Variants in ADCY9 observed in about 807,000 individuals in gnomAD.
The protein encoded by ADCY9 is adenylate cyclase type 9.
Under a neutral mutation model 101.5 loss-of-function variants are expected in ADCY9, and 50 were observed. That is an observed-to-expected ratio of 0.49 (90% CI 0.39 to 0.62). The LOEUF (loss-of-function observed/expected upper bound fraction) is 0.62, where lower values mean the gene tolerates loss of function less well. ADCY9 is among the 20% of genes least tolerant of loss of function. ADCY9 has a pLI of 0.00. For synonymous variants in ADCY9, 905 were observed against 769.3 expected (o/e 1.18, Z -2.92); for missense variants, 1,662 against 1,800.4 (o/e 0.92, Z 1.39).
Position 3,983,300 on chromosome 16 carries a change from C to A in ADCY9, c.2451G>T (p.Pro817=). The change falls in exon 7 of 11, where the codon CCG becomes CCT. Residue 817 remains proline, a synonymous_variant. Transcript: ENST00000294016. ...CACTGAAGACCGCCAGGGCGGCGGG[C>A]GGGGGAGGCACGGTGGCCGCCTCGT... The part of the protein sequence containing the change: ...LKYEAATVPP[P]PAALAVFSAA... 1 of 1,563,038 alleles carries A rather than the reference C, an allele frequency of 6.4e-7. No individual in the cohort carries two copies. Among genetic ancestry groups the A allele is most frequent in the Non-Finnish European group, 8.7e-7 (1 of 1,154,130 alleles).
intron 2 of ADCY9, among the ~76,000 whole-genome samples, chr16:4,081,730 G>A (rs916629867): frequency 3.3e-5 from 5 of 149,592 alleles, no homozygotes; most frequent in East Asian, 2.0e-4. Flanking sequence ...CTGCAGGGGC[G>A]TGTGGGTAAA....
chr16:4,037,185 G>A (rs1255320168), intron 2 of ADCY9, among the ~76,000 whole-genome samples: 2 of 152,216 alleles, frequency 1.3e-5, no homozygotes, highest in East Asian at 1.9e-4. Flanking sequence ...AGGCATGGTG[G>A]TACATGCCTG....
chr16:4,021,423 C>T (rs948650295), intron 2 of ADCY9, among the ~76,000 whole-genome samples: 2 of 152,236 alleles, frequency 1.3e-5, no homozygotes, highest in African/African-American at 4.8e-5. Context: ...TGGCCAATCT[C>T]CACTTTCTAC....
chr16:3,991,905 T>C (rs556730968), intron 5 of ADCY9, among the ~76,000 whole-genome samples: 2 of 151,458 alleles, frequency 1.3e-5, no homozygotes, highest in South Asian at 4.2e-4. Flanking sequence ...ACTCCATCTC[T>C]ACTAAAAATA....
At chr16:3,976,619 C>G (rs963048283) in intron 9 of ADCY9, among the ~76,000 whole-genome samples, 3 of 152,170 alleles carry the variant, frequency 2.0e-5, no homozygotes, top group Non-Finnish European at 2.9e-5. Flanking sequence ...ATTAATCCTA[C>G]GTCTCATGAC....
At chr16:4,001,163 C>T (rs35421077) in intron 3 of ADCY9, among the ~76,000 whole-genome samples, 8,043 of 152,248 alleles carry the variant, frequency 0.053, 278 homozygotes, top group Non-Finnish European at 0.084. Context: ...AAGCTGCTGG[C>T]TTTATTCTGA....
chr16:4,006,446 C>T (rs1160321509), intron 3 of ADCY9, among the ~76,000 whole-genome samples: 1 of 152,192 alleles, frequency 6.6e-6, no homozygotes, highest in East Asian at 1.9e-4. Context: ...TCTGCATACC[C>T]CAGCTGACTG....
chr16:3,990,956 C>T lies in ADCY9; in HGVS notation c.2207+1190G>A, dbSNP rs752461287. Among the ~76,000 whole-genome samples the T allele has an allele frequency of 1.2e-4, 19 of 152,294 alleles. No individual in the cohort carries two copies. The East Asian group carries it at 1.3e-3, about 11-fold the overall frequency. On this transcript the variant is annotated intron_variant, in intron 5 of 10. Transcript: ENST00000294016. ...CTGGGATGACAGGCACCCGCCACCA[C>T]GCCCAGCTAATTTTTGTACTTTTAG...
chr16:4,058,609 G>A (rs567617811), intron 2 of ADCY9, among the ~76,000 whole-genome samples: 2 of 152,312 alleles, frequency 1.3e-5, no homozygotes, highest in East Asian at 1.9e-4. Context: ...TGACGTTGCA[G>A]GGGGAAGTGA....
At chr16:4,057,486 G>A (rs754955012) in intron 2 of ADCY9, among the ~76,000 whole-genome samples, 9 of 152,012 alleles carry the variant, frequency 5.9e-5, no homozygotes, top group Admixed American at 4.6e-4. Flanking sequence ...GCTTATTGTC[G>A]TTTGTCCGCC....
In ADCY9 at chr16:3,992,178, G is replaced by A. The variant is rs140841008; in HGVS notation, c.2175C>T (p.Asp725=). 6.1e-5 allele frequency: 99 copies of A among 1,614,088 alleles called. No individual in the cohort carries two copies. In the African/African-American group the frequency reaches 9.7e-4, roughly 16 times the overall value. The change falls in exon 5 of 11, where the codon GAC becomes GAT. Residue 725 remains aspartate (D), a synonymous_variant. Coordinates refer to ENST00000294016, the MANE Select transcript of ADCY9 (RefSeq NM_001116.4). The surrounding 1 kb of genome is among the most constrained non-coding windows in gnomAD (Gnocchi z 4.2). ...CTTTGATAACGTCCACAAAGTGGGC[G>A]TCCGTTTTCTCCCGGATGTTCTTGA... The part of the protein sequence containing the change: ...LRFKNIREKT[D]AHFVDVIKED...
At chr16:4,010,334 G>A (rs11645655) in intron 2 of ADCY9, among the ~76,000 whole-genome samples, 13,308 of 152,300 alleles carry the variant, frequency 0.087, 739 homozygotes, top group Admixed American at 0.13. Flanking sequence ...TGAGCAGGGA[G>A]GCCTGAAGAG....
intron 2 of ADCY9, among the ~76,000 whole-genome samples, chr16:4,106,457 A>G (rs1163043148): frequency 6.6e-6 from 1 of 152,112 alleles, no homozygotes; most frequent in Non-Finnish European, 1.5e-5. Flanking sequence ...TCCTGTTTCA[A>G]AAACTCTCAT....
intron 3 of ADCY9, among the ~76,000 whole-genome samples, chr16:3,999,328 T>C (rs1208475845): frequency 6.6e-6 from 1 of 152,154 alleles, no homozygotes; most frequent in Non-Finnish European, 1.5e-5. Flanking sequence ...CGGGCCCCCA[T>C]CCACGCAATA....
At chr16:4,070,105 T>C (rs1280866866) in intron 2 of ADCY9, among the ~76,000 whole-genome samples, 3 of 131,812 alleles carry the variant, frequency 2.3e-5, no homozygotes, top group Non-Finnish European at 3.3e-5. Flanking sequence ...CTCAAAAAAA[T>C]ATGTATGTGT....
Position 3,966,167 on chromosome 16 carries a change from C to T in ADCY9, c.3670G>A (p.Asp1224Asn), listed in dbSNP as rs1477572085. 8 of 1,614,212 alleles carry T rather than the reference C, an allele frequency of 5.0e-6. No homozygotes were observed. The East Asian group carries it at 6.7e-5, about 13-fold the overall frequency. Residue 1224 changes from aspartate to asparagine, a missense_variant, in exon 11 of 11, where the codon GAC (aspartate) becomes AAC (asparagine). Asp to Asn is a conservative substitution (Grantham distance 23, BLOSUM62 1). Coordinates refer to ENST00000294016, the MANE Select transcript of ADCY9 (RefSeq NM_001116.4). ...RVLSKMGYDF[D>N]YRGTVNVKGK... is the part of the protein sequence containing the mutation. ...TTGACATTCACGGTCCCTCTGTAGT[C>T]GAAGTCATAGCCCATCTTGCTCAAG...
intron 2 of ADCY9, among the ~76,000 whole-genome samples, chr16:4,072,652 G>T (rs1242216729): frequency 6.6e-6 from 1 of 152,124 alleles, no homozygotes; most frequent in Non-Finnish European, 1.5e-5. Context: ...AGAAAGGATA[G>T]AAGGAAATAT....
chr16:3,963,096 C>CTA lies in ADCY9; in HGVS notation c.*2678_*2679insTA. ...GGATAAAATTGTGTGTGCTTGTTTA[C>CTA]CATATATATATATATATATATATAT... On this transcript the variant is annotated 3_prime_UTR_variant, in exon 11 of 11. Coordinates refer to ENST00000294016, the MANE Select transcript of ADCY9 (RefSeq NM_001116.4). 1.2e-5 allele frequency: 1 copy of CTA among 86,330 alleles called. No homozygotes were observed. Among genetic ancestry groups the CTA allele is most frequent in the East Asian group, 3.6e-4 (1 of 2,794 alleles). The allele number at this position is 86,330 out of a possible 1,614,324, so 5.3% of individuals were successfully genotyped here. A position where few individuals can be genotyped will look rare whatever the true frequency, so the allele number is the denominator to read the frequency against.
chr16:3,972,088 G>T (rs1304291029), intron 10 of ADCY9, among the ~76,000 whole-genome samples: 1 of 152,164 alleles, frequency 6.6e-6, no homozygotes, highest in East Asian at 1.9e-4. Context: ...GCAACAGAAG[G>T]CATCTGTAAG....
Sources: gnomAD v4.1 joint callset for allele counts (sites outside exome capture counted in the v4.1 genomes callset) on GRCh38, gnomAD v4.1.1 for gene constraint, Gnocchi (gnomAD v3.1) non-coding constraint, MANE v1.5 for transcripts, NCBI Gene and HGNC (gene_info 2026-07-23, HGNC 2026-07-21) for gene names.